SLC9A9: variants seen among roughly 807,000 people sequenced by gnomAD.
SLC9A9 encodes the protein sodium/hydrogen exchanger 9.
SLC9A9 carries 62 observed loss-of-function variants against 77.8 expected under a neutral mutation model. The ratio of observed to expected loss-of-function variants is 0.80; its 90% CI spans 0.65 to 0.98. The LOEUF (loss-of-function observed/expected upper bound fraction) is 0.98, where lower values mean the gene tolerates loss of function less well. SLC9A9 is among the 50% of genes least tolerant of loss of function. The probability of loss-of-function intolerance (pLI) is 0.00; values close to 1 mark genes in which losing one functional copy is unlikely to be tolerated. For synonymous variants in SLC9A9, 320 were observed against 283.5 expected (o/e 1.13, Z -1.29); for missense variants, 775 against 774.9 (o/e 1.00, Z 0.00).
At chr3:143,536,737 C>T (rs1286383992) in intron 9 of SLC9A9, among the ~76,000 whole-genome samples, 1 of 152,166 alleles carries the variant, frequency 6.6e-6, no homozygotes, top group Non-Finnish European at 1.5e-5. Context: ...TGTACTTATA[C>T]AAATAGCCAA....
Position 143,320,638 on chromosome 3 carries a change from C to A in SLC9A9, c.1604+42846G>T, listed in dbSNP as rs117656387. 1.5e-3 allele frequency among the ~76,000 whole-genome samples: 221 copies of A among 152,244 alleles called. 6 individuals carry two copies. The East Asian group carries it at 0.04, about 28-fold the overall frequency. On this transcript the variant is annotated intron_variant, in intron 14 of 15. Transcript: ENST00000316549. Reference sequence around the variant, plus strand: ...GGCAGAACTCGAACTTGCTTATCACCAAAGGGATGGCACTAAGCCATTCAT... The same window carrying A: ...GGCAGAACTCGAACTTGCTTATCACAAAAGGGATGGCACTAAGCCATTCAT...
At chr3:143,292,909 T>G (rs1269241601) in intron 14 of SLC9A9, among the ~76,000 whole-genome samples, 1 of 152,196 alleles carries the variant, frequency 6.6e-6, no homozygotes, top group East Asian at 1.9e-4. Flanking sequence ...CTGGGGCTGG[T>G]TAATGCTGCC....
rs565332817 is a variant in SLC9A9, at chr3:143,805,920, G to C, written c.379-9017C>G. Among the ~76,000 whole-genome samples the C allele has an allele frequency of 1.4e-3, 220 of 152,228 alleles. 1 individual carries two copies. The highest frequency in any genetic ancestry group is 1.0e-4 in the Non-Finnish European group (7 of 68,014). ...TTTGGTGGTCTCTTCACAGAGACTCGAGTGAAAGAAATGATGTAGAAATTC... is the reference window on the plus strand; with the variant it reads ...TTTGGTGGTCTCTTCACAGAGACTCCAGTGAAAGAAATGATGTAGAAATTC... On this transcript the variant is annotated intron_variant, in intron 2 of 15. Transcript: ENST00000316549.
intron 4 of SLC9A9, among the ~76,000 whole-genome samples, chr3:143,786,800 A>C (rs979478752): frequency 6.6e-5 from 10 of 152,220 alleles, no homozygotes; most frequent in African/African-American, 2.4e-4. Flanking sequence ...AAATGAATGC[A>C]CAGAGGAAGC....
At chr3:143,303,020 T>A (rs2030602251) in intron 14 of SLC9A9, among the ~76,000 whole-genome samples, 1 of 152,176 alleles carries the variant, frequency 6.6e-6, no homozygotes, top group South Asian at 2.1e-4. Flanking sequence ...CATCGTGCCC[T>A]TCCCCTGCAG....
At chr3:143,768,165 G>A (rs1360482005) in intron 4 of SLC9A9, among the ~76,000 whole-genome samples, 3 of 152,002 alleles carry the variant, frequency 2.0e-5, no homozygotes, top group Non-Finnish European at 4.4e-5. Context: ...GACACCCAGG[G>A]TACACATATC....
chr3:143,600,878 C>A (rs2037835356), intron 6 of SLC9A9, among the ~76,000 whole-genome samples: 1 of 152,180 alleles, frequency 6.6e-6, no homozygotes, highest in Admixed American at 6.5e-5. Context: ...ACCCACTGGG[C>A]TGCCTCTCTC....
rs781722758 is a variant in SLC9A9, at chr3:143,265,705, A to C, written c.*997T>G. The C allele has an allele frequency of 4.8e-6, 2 of 418,218 alleles. No individual in the cohort carries two copies. The highest frequency in any genetic ancestry group is 4.1e-5 in the African/African-American group (2 of 49,026). 25.9% of individuals were successfully genotyped at this position (418,218 alleles called of 1,614,324 possible). A position where few individuals can be genotyped will look rare whatever the true frequency, so the allele number is the denominator to read the frequency against. Reference sequence around the variant, plus strand: ...CCACGCCTTGTAAGGGGGAGACCTGAGGCCCTGTCCTTGGCTCCTCAGTGT... The same window carrying C: ...CCACGCCTTGTAAGGGGGAGACCTGCGGCCCTGTCCTTGGCTCCTCAGTGT... On this transcript the variant is annotated 3_prime_UTR_variant, in exon 16 of 16. Coordinates refer to ENST00000316549, the MANE Select transcript of SLC9A9 (RefSeq NM_173653.4).
intron 6 of SLC9A9, among the ~76,000 whole-genome samples, chr3:143,619,877 A>C (rs1352842027): frequency 6.6e-6 from 1 of 152,246 alleles, no homozygotes. Context: ...CATCGCATTA[A>C]GTTTTCACAA....
chr3:143,825,795 T>C (rs922430696), intron 2 of SLC9A9, among the ~76,000 whole-genome samples: 2 of 152,220 alleles, frequency 1.3e-5, no homozygotes, highest in Admixed American at 6.5e-5. Context: ...ATAGGAAGTG[T>C]AAATTTAACT....
chr3:143,501,686 T>A (rs184229084), intron 9 of SLC9A9, among the ~76,000 whole-genome samples: 2 of 151,168 alleles, frequency 1.3e-5, no homozygotes, highest in South Asian at 2.1e-4. Flanking sequence ...TAAAAAAGGC[T>A]TCTTTCACAG....
At chr3:143,474,173 T>TGC (rs1480267874) in intron 11 of SLC9A9, among the ~76,000 whole-genome samples, 1 of 152,174 alleles carries the variant, frequency 6.6e-6, no homozygotes, top group African/African-American at 2.4e-5. Context: ...ATGCCTGGTG[T>TGC]GCTTAAGCTG....
intron 8 of SLC9A9, among the ~76,000 whole-genome samples, chr3:143,552,861 C>T (rs541811221): frequency 4.8e-4 from 73 of 152,286 alleles, no homozygotes; most frequent in Non-Finnish European, 8.1e-4. Flanking sequence ...TATTTGCTTT[C>T]CGCTGTATAC....
intron 11 of SLC9A9, among the ~76,000 whole-genome samples, chr3:143,467,504 G>A (rs1438046237): frequency 1.3e-5 from 2 of 152,124 alleles, no homozygotes; most frequent in African/African-American, 4.8e-5. Context: ...AGCACTTTGG[G>A]AAGTTGAAGT....
Position 143,325,425 on chromosome 3 carries a change from C to T in SLC9A9, c.1604+38059G>A, listed in dbSNP as rs1222815985. 3.3e-5 allele frequency among the ~76,000 whole-genome samples: 5 copies of T among 152,206 alleles called. No homozygotes were observed. The East Asian group carries it at 9.6e-4, about 29-fold the overall frequency. ...TAACCCTCTATAACCTAAAACCTTA[C>T]CCTTGGCCTCAGTTCAGAGTTCACT... On this transcript the variant is annotated intron_variant, in intron 14 of 15. Coordinates refer to ENST00000316549, the MANE Select transcript of SLC9A9 (RefSeq NM_173653.4).
chr3:143,659,095 A>C (rs2108754469), intron 5 of SLC9A9, among the ~76,000 whole-genome samples: 1 of 152,194 alleles, frequency 6.6e-6, no homozygotes, highest in African/African-American at 2.4e-5. Context: ...AGTGACGATG[A>C]CTCACCCCTT....
intron 6 of SLC9A9, among the ~76,000 whole-genome samples, chr3:143,622,364 A>G (rs987706114): frequency 1.3e-5 from 2 of 152,192 alleles, no homozygotes; most frequent in Non-Finnish European, 2.9e-5. Context: ...GCAGCCAGAG[A>G]GAAAGGTCGG....
At chr3:143,812,844 AC>A (rs1289058359) in intron 2 of SLC9A9, among the ~76,000 whole-genome samples, 10 of 152,178 alleles carry the variant, frequency 6.6e-5, no homozygotes. Context: ...AAAAAGCCAC[AC>A]TGGATTGAGA....
At chr3:143,612,356 C>T (rs1559993085) in intron 6 of SLC9A9, among the ~76,000 whole-genome samples, 1 of 152,184 alleles carries the variant, frequency 6.6e-6, no homozygotes, top group Non-Finnish European at 1.5e-5. Context: ...GGAGGAAGAA[C>T]CAAACTCCAT....
Sources: allele counts gnomAD v4.1 joint callset (sites outside exome capture counted in the v4.1 genomes callset), GRCh38; gene constraint gnomAD v4.1.1; transcripts MANE v1.5; gene names NCBI Gene and HGNC (gene_info 2026-07-23, HGNC 2026-07-21).